The following SCFD2 variants were observed in gnomAD, a reference collection of about 807,000 sequenced individuals.
SCFD2 encodes sec1 family domain containing 2.
In SCFD2, 54 loss-of-function variants were observed where a neutral mutation model predicts 58.9. The ratio of observed to expected loss-of-function variants is 0.92; its 90% CI spans 0.74 to 1.15. The LOEUF is 1.15. SCFD2 is among the 50% of genes most tolerant of loss of function. The probability of loss-of-function intolerance (pLI) is 0.00; values close to 1 mark genes in which losing one functional copy is unlikely to be tolerated. For missense variants in SCFD2, 805 were observed against 836.6 expected (o/e 0.96, Z 0.47); for synonymous variants, 321 against 335.9 (o/e 0.96, Z 0.49).
chr4:53,028,895 C>A (rs1722547221), intron 5 of SCFD2, among the ~76,000 whole-genome samples: 1 of 152,178 alleles, frequency 6.6e-6, no homozygotes. Context: ...AGTAAGCTGG[C>A]ACACTGGAGG....
chr4:53,118,821 TATA>T (rs1308997187), intron 5 of SCFD2, among the ~76,000 whole-genome samples: 1 of 152,132 alleles, frequency 6.6e-6, no homozygotes, highest in African/African-American at 2.4e-5. Flanking sequence ...TATTCCCTCT[TATA>T]ATCTACAAGG....
rs561141925 is a variant in SCFD2, at chr4:53,336,334, T to A, written c.1007+16264A>T. On this transcript the variant is annotated intron_variant, in intron 2 of 8. Transcript: ENST00000401642. The stretch of plus-strand genomic sequence containing the variant: ...AAGTGATATTATTCTATTTATCGAA[T>A]GATGGCTTTCTATAAAGTACAAATA... 5.2e-4 allele frequency among the ~76,000 whole-genome samples: 79 copies of A among 152,266 alleles called. 1 individual carries two copies. Among genetic ancestry groups the A allele is most frequent in the Non-Finnish European group, 7.1e-4 (48 of 68,030 alleles).
intron 5 of SCFD2, among the ~76,000 whole-genome samples, chr4:52,934,156 TTGG>T (rs2109502550): frequency 6.6e-6 from 1 of 152,288 alleles, no homozygotes; most frequent in South Asian, 2.1e-4. Flanking sequence ...ATGGACCAAG[TTGG>T]TAACATTTAA....
intron 5 of SCFD2, among the ~76,000 whole-genome samples, chr4:52,962,828 C>T (rs887905668): frequency 6.6e-6 from 1 of 152,028 alleles, no homozygotes; most frequent in Non-Finnish European, 1.5e-5. Flanking sequence ...GAAATGAAGT[C>T]GAATCCCTTT....
intron 5 of SCFD2, among the ~76,000 whole-genome samples, chr4:52,926,444 A>G (rs76398143): frequency 0.066 from 10,007 of 152,150 alleles, 518 homozygotes; most frequent in East Asian, 0.25. Context: ...ATGCAGGTCA[A>G]GCAAAAATCA....
intron 4 of SCFD2, among the ~76,000 whole-genome samples, chr4:53,248,015 G>T (rs893567320): frequency 3.9e-5 from 6 of 152,212 alleles, no homozygotes; most frequent in African/African-American, 1.2e-4. Context: ...GAGGTACTGG[G>T]TTCATCTCAC....
At chr4:52,991,095 G>C (rs1721603040) in intron 5 of SCFD2, among the ~76,000 whole-genome samples, 1 of 152,206 alleles carries the variant, frequency 6.6e-6, no homozygotes, top group African/African-American at 2.4e-5. Flanking sequence ...TCTGCAGGCA[G>C]AAAGGGGGCT....
chr4:53,306,050 G>A (rs962204115), intron 3 of SCFD2, among the ~76,000 whole-genome samples: 4 of 152,166 alleles, frequency 2.6e-5, no homozygotes, highest in Non-Finnish European at 5.9e-5. Flanking sequence ...AGAGTTCTCA[G>A]CCCCAACTAC....
At chr4:52,946,309 A>T (rs1490280276) in intron 5 of SCFD2, among the ~76,000 whole-genome samples, 7 of 152,218 alleles carry the variant, frequency 4.6e-5, no homozygotes, top group Non-Finnish European at 2.9e-5. Context: ...AAGATCCTTA[A>T]GATCTCATAG....
intron 7 of SCFD2, among the ~76,000 whole-genome samples, chr4:52,892,591 T>C (rs1718903101): frequency 6.6e-6 from 1 of 152,192 alleles, no homozygotes; most frequent in African/African-American, 2.4e-5. Context: ...TTTCATTACT[T>C]TGGAGTTCCT....
chr4:53,197,747 C>CAAAAAAAAAAAAAAAAAAA (rs10717880), intron 4 of SCFD2, among the ~76,000 whole-genome samples: 1 of 96,612 alleles, frequency 1.0e-5, no homozygotes, highest in African/African-American at 3.8e-5. Flanking sequence ...TAGAAGATGG[C>CAAAAAAAAAAAAAAAAAAA]AAAAAAAAAA....
chr4:53,326,219 T>A (rs940025848), intron 2 of SCFD2, among the ~76,000 whole-genome samples: 1 of 152,186 alleles, frequency 6.6e-6, no homozygotes, highest in African/African-American at 2.4e-5. Context: ...CACAATTCAC[T>A]GCAGCCTCCA....
At chr4:53,309,804 G>A (rs559127696) in intron 3 of SCFD2, among the ~76,000 whole-genome samples, 23 of 152,184 alleles carry the variant, frequency 1.5e-4, no homozygotes, top group African/African-American at 5.1e-4. Context: ...TTAGTTTCCC[G>A]TGCAGATGTT....
chr4:53,182,059 T>C (rs1727580319), intron 4 of SCFD2, among the ~76,000 whole-genome samples: 1 of 152,146 alleles, frequency 6.6e-6, no homozygotes, highest in Non-Finnish European at 1.5e-5. Flanking sequence ...ATCAATATCG[T>C]GAAAATGGCC....
At chr4:53,183,134 C>T (rs956976965) in intron 4 of SCFD2, among the ~76,000 whole-genome samples, 61 of 152,162 alleles carry the variant, frequency 4.0e-4, no homozygotes, top group Non-Finnish European at 1.0e-4. Flanking sequence ...CCATTTGACC[C>T]AGCCATCCCA....
intron 4 of SCFD2, among the ~76,000 whole-genome samples, chr4:53,271,844 T>C (rs939202127): frequency 5.9e-5 from 9 of 152,062 alleles, no homozygotes; most frequent in African/African-American, 1.7e-4. Flanking sequence ...AAAGCCAAAA[T>C]TGACAAATGG....
chr4:53,162,817 T>C (rs1253217212), intron 4 of SCFD2, among the ~76,000 whole-genome samples: 1 of 151,374 alleles, frequency 6.6e-6, no homozygotes, highest in Admixed American at 6.6e-5. Context: ...ACCTGCACAT[T>C]GCGCACATGT....
intron 5 of SCFD2, chr4:52,948,684 G>A (rs1194645070): frequency 2.7e-6 from 1 of 370,362 alleles, no homozygotes; most frequent in African/African-American, 2.1e-5. Context: ...TAACTCTGGA[G>A]GATGCAGCCA....
At chr4:52,997,410 G>A (rs983482623) in intron 5 of SCFD2, among the ~76,000 whole-genome samples, 4 of 152,200 alleles carry the variant, frequency 2.6e-5, no homozygotes, top group South Asian at 2.1e-4. Context: ...ATAGAAAGGC[G>A]AAAAAGCCTA....
Sources: gnomAD v4.1 joint callset for allele counts (sites outside exome capture counted in the v4.1 genomes callset) on GRCh38, gnomAD v4.1.1 for gene constraint, MANE v1.5 for transcripts, NCBI Gene and HGNC (gene_info 2026-07-23, HGNC 2026-07-21) for gene names.